EIF4E: variants seen among roughly 807,000 people sequenced by gnomAD.
The protein encoded by EIF4E is eukaryotic translation initiation factor 4E.
For missense variants in EIF4E, 113 were observed against 265.6 expected, an observed-to-expected ratio of 0.43 and a Z score of 3.99; for synonymous variants, 71 against 88.5, an observed-to-expected ratio of 0.80 and a Z score of 1.11.
intron 6 of EIF4E, among the ~76,000 whole-genome samples, chr4:98,881,571 T>C (rs1236522127): frequency 7.8e-6 from 1 of 127,854 alleles, no homozygotes; most frequent in East Asian, 2.0e-4. Flanking sequence ...CAGAAATCTG[T>C]AAAACAAACA....
At chr4:98,906,025 A>C (rs964390428) in intron 1 of EIF4E, among the ~76,000 whole-genome samples, 2 of 152,226 alleles carry the variant, frequency 1.3e-5, no homozygotes, top group Admixed American at 1.3e-4. Flanking sequence ...TACATTGCTT[A>C]AATTCCAAAA....
At chr4:98,924,321 C>T (rs1208844954) in intron 1 of EIF4E, among the ~76,000 whole-genome samples, 2 of 152,236 alleles carry the variant, frequency 1.3e-5, no homozygotes, top group African/African-American at 4.8e-5. Context: ...TGGTGATCTA[C>T]CCACCTCGGC....
At chr4:98,890,521 C>T (rs1226773801) in intron 3 of EIF4E, among the ~76,000 whole-genome samples, 1 of 152,048 alleles carries the variant, frequency 6.6e-6, no homozygotes, top group African/African-American at 2.4e-5. Flanking sequence ...TATAGAGAAA[C>T]AGGGACTCAT....
chr4:98,927,899 G>A (rs1721269582), intron 1 of EIF4E, among the ~76,000 whole-genome samples: 1 of 152,068 alleles, frequency 6.6e-6, no homozygotes, highest in African/African-American at 2.4e-5. Flanking sequence ...GTTTCAGTGA[G>A]CCAGTCCTGG....
At chr4:98,904,414 G>C (rs896239218) in intron 1 of EIF4E, among the ~76,000 whole-genome samples, 1 of 151,050 alleles carries the variant, frequency 6.6e-6, no homozygotes, top group Non-Finnish European at 1.5e-5. Context: ...ATTTTAAAGT[G>C]TTATTTTGAA....
intron 1 of EIF4E, among the ~76,000 whole-genome samples, chr4:98,912,330 AC>A (rs1553933318): frequency 6.6e-6 from 1 of 151,950 alleles, no homozygotes; most frequent in Non-Finnish European, 1.5e-5. Context: ...TAATCCCAAC[AC>A]TTTGGGAGGC....
At chr4:98,904,637 A>AGC (rs1349987536) in intron 1 of EIF4E, among the ~76,000 whole-genome samples, 1 of 151,958 alleles carries the variant, frequency 6.6e-6, no homozygotes, top group Non-Finnish European at 1.5e-5. Context: ...TGGGCGTGGT[A>AGC]GCACGCGCCT....
intron 1 of EIF4E, among the ~76,000 whole-genome samples, chr4:98,911,466 C>T (rs1405257823): frequency 6.7e-6 from 1 of 149,260 alleles, no homozygotes. Flanking sequence ...TTGAGACCAG[C>T]CTGACCAACA....
At chr4:98,906,658 C>T (rs1478402220) in intron 1 of EIF4E, among the ~76,000 whole-genome samples, 1 of 152,068 alleles carries the variant, frequency 6.6e-6, no homozygotes, top group East Asian at 1.9e-4. Context: ...CTGCGGTGAG[C>T]TATGATAGCA....
chr4:98,910,174 T>G (rs1725057905), intron 1 of EIF4E, among the ~76,000 whole-genome samples: 3 of 152,198 alleles, frequency 2.0e-5, no homozygotes. Context: ...CTGTGGATTT[T>G]GCAGTCTTCC....
chr4:98,881,577 A>T (rs1441782790), intron 6 of EIF4E, among the ~76,000 whole-genome samples: 1 of 112,936 alleles, frequency 8.9e-6, no homozygotes, highest in East Asian at 2.0e-4. Context: ...TCTGTAAAAC[A>T]AACATGTTTC....
At chr4:98,893,409 T>C (rs1724240047) in intron 2 of EIF4E, among the ~76,000 whole-genome samples, 1 of 152,252 alleles carries the variant, frequency 6.6e-6, no homozygotes, top group African/African-American at 2.4e-5. Flanking sequence ...TTTTACATAG[T>C]AGAATTTCTT....
intron 2 of EIF4E, among the ~76,000 whole-genome samples, chr4:98,892,905 T>C (rs1213491309): frequency 6.6e-6 from 1 of 151,870 alleles, no homozygotes; most frequent in Non-Finnish European, 1.5e-5. Context: ...TATATACTTC[T>C]CTTAAAATAG....
intron 3 of EIF4E, among the ~76,000 whole-genome samples, chr4:98,888,656 G>A (rs1008163135): frequency 6.6e-6 from 1 of 152,286 alleles, no homozygotes; most frequent in African/African-American, 2.4e-5. Context: ...TTGCTTGCCT[G>A]AAGGTAGGAG....
rs750338066 is a variant in EIF4E, at chr4:98,881,085, G to C, written c.597C>G (p.Ser199=). The C allele has an allele frequency of 6.2e-7, 1 of 1,612,480 alleles. No homozygotes were observed. The highest frequency in any genetic ancestry group is 2.2e-5 in the East Asian group (1 of 44,836). The change falls in exon 7 of 7, where the codon TCC becomes TCG. Residue 199 remains serine (S), a synonymous_variant. Transcript: ENST00000450253. ...CGCTCTTAGTAGCTGTGTCTGCGTG[G>C]GACTGATAACCAATCACTATCTTTG... ...LPPKIVIGYQ[S]HADTATKSGS... is the part of the protein sequence containing the mutation.
At chr4:98,882,747 G>C (rs564079266) in intron 6 of EIF4E, among the ~76,000 whole-genome samples, 1 of 150,744 alleles carries the variant, frequency 6.6e-6, no homozygotes, top group African/African-American at 2.4e-5. Flanking sequence ...TTGAAAATCT[G>C]AAGTCTTAAT....
At chr4:98,898,435 C>T (rs1021987492) in intron 2 of EIF4E, among the ~76,000 whole-genome samples, 17 of 152,088 alleles carry the variant, frequency 1.1e-4, no homozygotes, top group Admixed American at 7.2e-4. Context: ...GGTGAAACCC[C>T]GTCTCTATTA....
At chr4:98,924,913 A>T (rs1725807418) in intron 1 of EIF4E, among the ~76,000 whole-genome samples, 1 of 152,100 alleles carries the variant, frequency 6.6e-6, no homozygotes, top group South Asian at 2.1e-4. Context: ...TTTTTCTTTT[A>T]ATTGAAGAAA....
intron 1 of EIF4E, chr4:98,909,859 G>A (rs965273355): frequency 1.5e-6 from 1 of 661,742 alleles, no homozygotes; most frequent in African/African-American, 1.8e-5. Context: ...GGTCCCCCAA[G>A]CGCCATGAGA....
Sources: allele counts gnomAD v4.1 joint callset (sites outside exome capture counted in the v4.1 genomes callset), GRCh38; gene constraint gnomAD v4.1.1; transcripts MANE v1.5; gene names NCBI Gene and HGNC (gene_info 2026-07-23, HGNC 2026-07-21).